Variants in CDKAL1 observed in about 807,000 individuals in gnomAD.
CDKAL1 encodes CDKAL1 threonylcarbamoyladenosine tRNA methylthiotransferase, also known as threonylcarbamoyladenosine tRNA methylthiotransferase.
Under a neutral mutation model 68.2 loss-of-function variants are expected in CDKAL1, and 32 were observed. The observed-to-expected ratio is 0.47, with a 90% CI of 0.35 to 0.63. The LOEUF is 0.63. Among genes scored for constraint, CDKAL1 ranks in the 30% least tolerant of loss-of-function variants. CDKAL1 has a pLI of 0.00. For missense variants in CDKAL1, 606 were observed against 696.7 expected, an observed-to-expected ratio of 0.87 and a Z score of 1.47; for synonymous variants, 234 against 244.3, an observed-to-expected ratio of 0.96 and a Z score of 0.39.
At chr6:20,843,637 A>C (rs1778261534) in intron 8 of CDKAL1, among the ~76,000 whole-genome samples, 1 of 152,178 alleles carries the variant, frequency 6.6e-6, no homozygotes, top group South Asian at 2.1e-4. Context: ...TTTTGACTGC[A>C]TTTTGATTGC....
intron 9 of CDKAL1, among the ~76,000 whole-genome samples, chr6:20,936,828 G>T (rs1240837997): frequency 6.6e-6 from 1 of 152,150 alleles, no homozygotes; most frequent in South Asian, 2.1e-4. Context: ...CTTTGACTCC[G>T]TGCTGAGGAA....
intron 11 of CDKAL1, among the ~76,000 whole-genome samples, chr6:21,029,953 T>A (rs1290955613): frequency 6.6e-6 from 1 of 152,112 alleles, no homozygotes; most frequent in Non-Finnish European, 1.5e-5. Flanking sequence ...CTTGGATCTT[T>A]GACCCAGCAA....
chr6:20,841,843 TTC>T (rs1229100625), intron 8 of CDKAL1, among the ~76,000 whole-genome samples: 1 of 152,242 alleles, frequency 6.6e-6, no homozygotes, highest in Non-Finnish European at 1.5e-5. Context: ...GTTTTAGTCA[TTC>T]TTGGTCTCTG....
At chr6:20,964,000 A>C (rs992605893) in intron 10 of CDKAL1, among the ~76,000 whole-genome samples, 22 of 152,206 alleles carry the variant, frequency 1.4e-4, no homozygotes, top group African/African-American at 5.3e-4. Flanking sequence ...GGCAAAAAAC[A>C]TGAACAGAAA....
At chr6:20,763,430 G>A (rs1316344235) in intron 7 of CDKAL1, among the ~76,000 whole-genome samples, 1 of 152,094 alleles carries the variant, frequency 6.6e-6, no homozygotes, top group Non-Finnish European at 1.5e-5. Context: ...GTTCCTTTAT[G>A]AAAATCTTCT....
At chr6:20,871,355 A>G (rs1561846215) in intron 9 of CDKAL1, among the ~76,000 whole-genome samples, 2 of 152,204 alleles carry the variant, frequency 1.3e-5, no homozygotes, top group African/African-American at 4.8e-5. Context: ...ATGATATGCA[A>G]ATTTTTATAA....
At chr6:21,029,363 C>A (rs1769138204) in intron 11 of CDKAL1, among the ~76,000 whole-genome samples, 1 of 151,982 alleles carries the variant, frequency 6.6e-6, no homozygotes, top group African/African-American at 2.4e-5. Flanking sequence ...CTGGCCAGCT[C>A]CTTCTTTTTG....
At chr6:20,848,842 C>A (rs1758841937) in intron 9 of CDKAL1, among the ~76,000 whole-genome samples, 1 of 150,440 alleles carries the variant, frequency 6.6e-6, no homozygotes, top group Admixed American at 6.6e-5. Context: ...ACCCAGGCTG[C>A]AGTGTCATGG....
At chr6:20,574,647 T>A (rs922715923) in intron 4 of CDKAL1, among the ~76,000 whole-genome samples, 1 of 152,150 alleles carries the variant, frequency 6.6e-6, no homozygotes, top group Non-Finnish European at 1.5e-5. Flanking sequence ...TTTTGCTTGA[T>A]GTCTGGGTAG....
intron 13 of CDKAL1, among the ~76,000 whole-genome samples, chr6:21,125,256 C>T (rs986225530): frequency 6.6e-6 from 1 of 152,134 alleles, no homozygotes; most frequent in Non-Finnish European, 1.5e-5. Context: ...TTGGTAGTTC[C>T]TCCTGCATTC....
intron 10 of CDKAL1, among the ~76,000 whole-genome samples, chr6:20,974,978 C>CAAAAAAAAAAAAAAAAA (rs11330322): frequency 1.6e-5 from 1 of 62,914 alleles, no homozygotes; most frequent in Non-Finnish European, 2.9e-5. Flanking sequence ...GACCCTATCT[C>CAAAAAAAAAAAAAAAAA]AAAAAAAAAA....
chr6:20,680,077 T>C (rs2127790195), intron 5 of CDKAL1, among the ~76,000 whole-genome samples: 1 of 152,280 alleles, frequency 6.6e-6, no homozygotes. Context: ...TTAATTTTTA[T>C]TTTTTTCTGA....
At position 20,939,551 on chromosome 6, in the gene CDKAL1, G is replaced by A. The variant is rs548769055; in HGVS notation, c.743-15868G>A. The stretch of plus-strand genomic sequence containing the variant: ...AAAGCATTTTTAAAACTTAACCAGG[G>A]CACTTATGAAAGATAACAAAGTAAT... On this transcript the variant is annotated intron_variant, in intron 9 of 15. Transcript: ENST00000274695. Among the ~76,000 whole-genome samples the A allele has an allele frequency of 1.9e-4, 29 of 152,266 alleles. 1 individual carries two copies. The South Asian group carries it at 3.7e-3, about 20-fold the overall frequency.
intron 5 of CDKAL1, among the ~76,000 whole-genome samples, chr6:20,706,181 A>G (rs1224108711): frequency 6.6e-6 from 1 of 152,138 alleles, no homozygotes; most frequent in African/African-American, 2.4e-5. Context: ...GCTACCCATC[A>G]AGATTCCTTT....
At chr6:21,045,625 C>A (rs1041405286) in intron 11 of CDKAL1, among the ~76,000 whole-genome samples, 2 of 152,156 alleles carry the variant, frequency 1.3e-5, no homozygotes, top group African/African-American at 4.8e-5. Flanking sequence ...AGATTTCTTT[C>A]CCCTGGCTAA....
intron 4 of CDKAL1, among the ~76,000 whole-genome samples, chr6:20,612,355 T>C (rs1766655523): frequency 6.6e-6 from 1 of 152,222 alleles, no homozygotes; most frequent in Non-Finnish European, 1.5e-5. Flanking sequence ...GTTGTACTAA[T>C]TTACATTACC....
At chr6:20,573,237 C>A (rs1764776264) in intron 4 of CDKAL1, among the ~76,000 whole-genome samples, 1 of 152,000 alleles carries the variant, frequency 6.6e-6, no homozygotes, top group Non-Finnish European at 1.5e-5. Context: ...GTCATTTTAC[C>A]TTGCTGGTCA....
chr6:20,830,893 G>T (rs1032737512), intron 8 of CDKAL1, among the ~76,000 whole-genome samples: 1 of 151,496 alleles, frequency 6.6e-6, no homozygotes, highest in Non-Finnish European at 1.5e-5. Context: ...AAAATGAAAA[G>T]GTTGAACTAG....
At chr6:21,049,640 G>C (rs911840478) in intron 11 of CDKAL1, among the ~76,000 whole-genome samples, 14 of 152,130 alleles carry the variant, frequency 9.2e-5, no homozygotes, top group Non-Finnish European at 1.9e-4. Context: ...TGCAAGCATA[G>C]TGTTACAGGA....
Sources: gnomAD v4.1 joint callset for allele counts (sites outside exome capture counted in the v4.1 genomes callset) on GRCh38, gnomAD v4.1.1 for gene constraint, MANE v1.5 for transcripts, NCBI Gene and HGNC (gene_info 2026-07-23, HGNC 2026-07-21) for gene names.